EPHA6: variants seen among roughly 807,000 people sequenced by gnomAD.
The protein encoded by EPHA6 is EPH receptor A6, also known as ephrin type-A receptor 6.
Under a neutral mutation model 112.0 loss-of-function variants are expected in EPHA6, and 50 were observed. The observed-to-expected ratio is 0.45, with a 90% CI of 0.36 to 0.56. EPHA6 has a LOEUF of 0.56. EPHA6 is among the 20% of genes least tolerant of loss of function. The pLI, the probability that EPHA6 is intolerant of heterozygous loss-of-function variation, is 0.00. For synonymous variants in EPHA6, 529 were observed against 490.7 expected (o/e 1.08, Z -1.03); for missense variants, 1,280 against 1,417.4 (o/e 0.90, Z 1.56).
chr3:97,541,727 G>GGT (rs2092855120), intron 11 of EPHA6, among the ~76,000 whole-genome samples: 2 of 131,896 alleles, frequency 1.5e-5, no homozygotes, highest in African/African-American at 5.2e-5. Context: ...TCTTTTTTTT[G>GGT]TTTTTTTTTT....
Position 97,405,239 on chromosome 3 carries a change from G to T in EPHA6, c.1696G>T (p.Ala566Ser), listed in dbSNP as rs2087262456. 2.5e-6 allele frequency: 4 copies of T among 1,611,560 alleles called. No homozygotes were observed. The East Asian group carries it at 8.9e-5, about 36-fold the overall frequency. ...GCAAGCACCTGCTTTTTCCAATGGAGCCATTCTGGACTACGAGATCAAGTA... is the reference window on the plus strand; with the variant it reads ...GCAAGCACCTGCTTTTTCCAATGGATCCATTCTGGACTACGAGATCAAGTA... Reference protein sequence around the residue: ...SWQAPAFSNGAILDYEIKYYE... With the variant: ...SWQAPAFSNGSILDYEIKYYE... The change falls in exon 6 of 18, where the codon GCC (alanine) becomes TCC (serine). Residue 566 changes from alanine to serine, a missense_variant. By Grantham distance (99) the Ala-to-Ser change is moderately conservative. Coordinates refer to ENST00000389672, the MANE Select transcript of EPHA6 (RefSeq NM_001080448.3).
At chr3:97,586,420 T>C (rs1575976500) in intron 11 of EPHA6, among the ~76,000 whole-genome samples, 1 of 152,190 alleles carries the variant, frequency 6.6e-6, no homozygotes, top group East Asian at 1.9e-4. Flanking sequence ...CATAAACTTA[T>C]TGAATCTCTA....
At chr3:96,815,608 GA>G (rs1418320240) in intron 1 of EPHA6, among the ~76,000 whole-genome samples, 1 of 152,106 alleles carries the variant, frequency 6.6e-6, no homozygotes, top group East Asian at 1.9e-4. Context: ...GCAGGGAGTA[GA>G]AAAGGGTTTA....
intron 13 of EPHA6, among the ~76,000 whole-genome samples, chr3:97,614,337 T>C (rs1268471154): frequency 2.2e-5 from 3 of 138,514 alleles, no homozygotes; most frequent in Admixed American, 2.1e-4. Context: ...ATACTTACTT[T>C]TTTTTTTTTT....
At chr3:97,219,673 T>C (rs1320420585) in intron 3 of EPHA6, among the ~76,000 whole-genome samples, 1 of 152,300 alleles carries the variant, frequency 6.6e-6, no homozygotes, top group Non-Finnish European at 1.5e-5. Flanking sequence ...AGACTTGTGA[T>C]GGGAAGTGCT....
chr3:97,683,426 C>T (rs2032011486), intron 14 of EPHA6, among the ~76,000 whole-genome samples: 1 of 152,080 alleles, frequency 6.6e-6, no homozygotes, highest in Non-Finnish European at 1.5e-5. Flanking sequence ...ATAATAACCC[C>T]TTATACATTA....
intron 3 of EPHA6, among the ~76,000 whole-genome samples, chr3:97,168,640 G>C (rs2076605465): frequency 7.2e-6 from 1 of 139,238 alleles, no homozygotes; most frequent in Non-Finnish European, 1.5e-5. Flanking sequence ...TCTCCTGCCG[G>C]CCATGTGAAG....
intron 2 of EPHA6, among the ~76,000 whole-genome samples, chr3:96,886,355 C>G (rs2037623279): frequency 1.3e-5 from 2 of 152,100 alleles, no homozygotes; most frequent in African/African-American, 4.8e-5. Context: ...TTTGGGAGCT[C>G]TAGTGTTAGG....
intron 2 of EPHA6, among the ~76,000 whole-genome samples, chr3:96,939,046 A>G (rs1445115327): frequency 6.6e-6 from 1 of 152,092 alleles, no homozygotes; most frequent in Non-Finnish European, 1.5e-5. Context: ...ATGTTCATCA[A>G]GGATATTGGT....
intron 11 of EPHA6, among the ~76,000 whole-genome samples, chr3:97,586,001 T>G (rs1443984482): frequency 1.3e-5 from 2 of 152,238 alleles, no homozygotes; most frequent in African/African-American, 2.4e-5. Context: ...AATTGAAAAT[T>G]AGCTCCCTTC....
At chr3:96,938,620 C>T (rs1424106299) in intron 2 of EPHA6, among the ~76,000 whole-genome samples, 1 of 151,734 alleles carries the variant, frequency 6.6e-6, no homozygotes, top group African/African-American at 2.4e-5. Context: ...TGCCTAATTG[C>T]CCTGGCCAGA....
chr3:97,638,063 A>C lies in EPHA6; in HGVS notation c.2765A>C (p.Glu922Ala), dbSNP rs769897973. 1 of 1,613,426 alleles carries C rather than the reference A, an allele frequency of 6.2e-7. No individual in the cohort carries two copies. Among genetic ancestry groups the C allele is most frequent in the Non-Finnish European group, 8.5e-7 (1 of 1,179,606 alleles). Reference sequence around the variant, plus strand: ...TCCAGAGTGCTGGAAGATGATCCAGAAGCTGCTTATACAACAACTGTAAGT... The same window carrying C: ...TCCAGAGTGCTGGAAGATGATCCAGCAGCTGCTTATACAACAACTGTAAGT... ...GLSRVLEDDP[E>A]AAYTTTGGKI... Residue 922 changes from glutamate to alanine, a missense_variant, in exon 14 of 18, where the codon GAA becomes GCA. Around this residue, in one of 4 missense-constraint regions of EPHA6, gnomAD observed 878 missense variants for 999.7 expected, o/e 0.88. Transcript: ENST00000389672.
chr3:97,179,171 A>G (rs1378335477), intron 3 of EPHA6, among the ~76,000 whole-genome samples: 1 of 152,010 alleles, frequency 6.6e-6, no homozygotes, highest in East Asian at 1.9e-4. Flanking sequence ...ACTCAAACAC[A>G]TTCTTCAGTA....
chr3:96,974,050 TATA>T (rs1406514980), intron 2 of EPHA6, among the ~76,000 whole-genome samples: 1 of 145,836 alleles, frequency 6.9e-6, no homozygotes, highest in Non-Finnish European at 1.5e-5. Context: ...AATAAATATA[TATA>T]ATAAAATTAT....
intron 5 of EPHA6, among the ~76,000 whole-genome samples, chr3:97,338,541 A>G (rs1053735513): frequency 1.3e-5 from 2 of 152,100 alleles, no homozygotes; most frequent in Admixed American, 6.6e-5. Context: ...TTTCAACTCA[A>G]ATGAATCATT....
intron 3 of EPHA6, among the ~76,000 whole-genome samples, chr3:97,038,618 C>T (rs905173574): frequency 6.6e-6 from 1 of 152,170 alleles, no homozygotes; most frequent in South Asian, 2.1e-4. Flanking sequence ...CAGGACTAAG[C>T]GTGGTAGTCC....
chr3:97,224,658 C>T (rs1300999307), intron 3 of EPHA6, among the ~76,000 whole-genome samples: 1 of 151,882 alleles, frequency 6.6e-6, no homozygotes, highest in Non-Finnish European at 1.5e-5. Context: ...TATTGTGGTT[C>T]TATGGCATAC....
At chr3:97,458,544 A>T (rs73133076) in intron 7 of EPHA6, among the ~76,000 whole-genome samples, 2 of 152,302 alleles carry the variant, frequency 1.3e-5, no homozygotes, top group Non-Finnish European at 2.9e-5. Context: ...GTGTGTGTAT[A>T]TATATGTACA....
chr3:97,732,605 T>C (rs933225007), intron 15 of EPHA6, among the ~76,000 whole-genome samples: 1 of 152,078 alleles, frequency 6.6e-6, no homozygotes, highest in Non-Finnish European at 1.5e-5. Context: ...TTAAAAAATA[T>C]AAGTTTCTTC....
Sources: allele counts gnomAD v4.1 joint callset (sites outside exome capture counted in the v4.1 genomes callset), GRCh38; gene constraint gnomAD v4.1.1; regional missense constraint gnomAD v4.1.1; transcripts MANE v1.5; gene names NCBI Gene and HGNC (gene_info 2026-07-23, HGNC 2026-07-21).